Variants in BICD1 observed in about 807,000 individuals in gnomAD.
The protein encoded by BICD1 is protein bicaudal D homolog 1.
Under a neutral mutation model 92.5 loss-of-function variants are expected in BICD1, and 35 were observed. The ratio of observed to expected loss-of-function variants is 0.38; its 90% CI spans 0.29 to 0.50. The LOEUF (loss-of-function observed/expected upper bound fraction) is 0.50. BICD1 is among the 20% of genes least tolerant of loss of function. The pLI, the probability that BICD1 is intolerant of heterozygous loss-of-function variation, is 0.93. For missense variants in BICD1, 950 were observed against 1,189.8 expected (o/e 0.80, Z 2.97); for synonymous variants, 429 against 465.1 (o/e 0.92, Z 1.00).
chr12:32,162,064 G>A (rs1289225602), intron 1 of BICD1, among the ~76,000 whole-genome samples: 1 of 152,172 alleles, frequency 6.6e-6, no homozygotes, highest in East Asian at 1.9e-4. Flanking sequence ...GCAACTTCTG[G>A]TAGCACCATC....
At chr12:32,297,640 C>T (rs749010535) in intron 3 of BICD1, among the ~76,000 whole-genome samples, 85 of 152,236 alleles carry the variant, frequency 5.6e-4, no homozygotes, top group Admixed American at 2.8e-3. Flanking sequence ...AGTCCTTCAG[C>T]CTGGTTTGAT....
intron 4 of BICD1, among the ~76,000 whole-genome samples, chr12:32,311,406 G>A (rs566386342): frequency 6.6e-6 from 1 of 152,274 alleles, no homozygotes; most frequent in African/African-American, 2.4e-5. Context: ...GGCTGAGGCA[G>A]GAGAATCACT....
rs139140671 is a variant in BICD1 at position 32,272,655 on chromosome 12, C to T, written c.427-21339C>T. On this transcript the variant is annotated intron_variant, in intron 2 of 9. Transcript: ENST00000652176. ...TCTGGCCAACATGGTGAAACCCTGTCTCTACTAAAAATACCAAAAAGTTAG... is the reference window on the plus strand; with the variant it reads ...TCTGGCCAACATGGTGAAACCCTGTTTCTACTAAAAATACCAAAAAGTTAG... 7.7e-3 allele frequency among the ~76,000 whole-genome samples: 1,168 copies of T among 152,288 alleles called. 14 individuals are homozygous for T. Among genetic ancestry groups the T allele is most frequent in the African/African-American group, 0.027 (1,118 of 41,544 alleles).
At position 32,323,796 on chromosome 12, in the gene BICD1, C is replaced by A. The variant is rs554259155; in HGVS notation, c.1006-3665C>A. On this transcript the variant is annotated intron_variant, in intron 4 of 9. Coordinates refer to ENST00000652176, the MANE Select transcript of BICD1 (RefSeq NM_001714.4). ...TCTGGGACAGTAAAAAATGGTCATG[C>A]AAACTGAAACCATGCAAAACAAACT... Among the ~76,000 whole-genome samples the A allele has an allele frequency of 2.0e-5, 3 of 152,232 alleles. No individual in the cohort carries two copies. The South Asian group carries it at 6.2e-4, about 32-fold the overall frequency.
intron 9 of BICD1, among the ~76,000 whole-genome samples, chr12:32,371,159 G>A (rs895169083): frequency 1.3e-5 from 2 of 152,098 alleles, no homozygotes; most frequent in Non-Finnish European, 2.9e-5. Context: ...TTAAAGAAAA[G>A]CAATTTAATG....
At chr12:32,250,889 G>A (rs972915768) in intron 2 of BICD1, among the ~76,000 whole-genome samples, 1 of 152,114 alleles carries the variant, frequency 6.6e-6, no homozygotes, top group African/African-American at 2.4e-5. Flanking sequence ...AGGCTAAGGT[G>A]GGAGGATTGC....
chr12:32,327,566 C>A lies in BICD1; in HGVS notation c.1111C>A (p.Leu371Ile). Reference sequence around the variant, plus strand: ...GGAGCAGCATGAGCGGGTGCACCGGCTCACAGAGCACGTCAATGCCATGAG... The same window carrying A: ...GGAGCAGCATGAGCGGGTGCACCGGATCACAGAGCACGTCAATGCCATGAG... ...LTEQHERVHR[L>I]TEHVNAMRGL... Residue 371 changes from leucine (L) to isoleucine (I), a missense_variant, in exon 5 of 10, where the codon CTC (leucine) becomes ATC (isoleucine). Transcript: ENST00000652176. The A allele has an allele frequency of 6.2e-7, 1 of 1,614,180 alleles. No homozygotes were observed. Among genetic ancestry groups the A allele is most frequent in the Non-Finnish European group, 8.5e-7 (1 of 1,180,044 alleles).
chr12:32,123,195 C>A (rs1362276316), intron 1 of BICD1, among the ~76,000 whole-genome samples: 1 of 152,102 alleles, frequency 6.6e-6, no homozygotes, highest in African/African-American at 2.4e-5. Context: ...TCAGAGAAAG[C>A]CTCATTGAGA....
At chr12:32,126,681 C>T (rs1327103043) in intron 1 of BICD1, among the ~76,000 whole-genome samples, 1 of 151,696 alleles carries the variant, frequency 6.6e-6, no homozygotes, top group Non-Finnish European at 1.5e-5. Flanking sequence ...TGCTTGAACC[C>T]GGGAGGTGAA....
At chr12:32,207,020 A>C (rs1271888743) in intron 1 of BICD1, among the ~76,000 whole-genome samples, 1 of 152,236 alleles carries the variant, frequency 6.6e-6, no homozygotes, top group Admixed American at 6.5e-5. Context: ...ATGGTAAACT[A>C]TAAAGAAAAT....
At chr12:32,150,440 G>T (rs892409364) in intron 1 of BICD1, among the ~76,000 whole-genome samples, 5 of 151,824 alleles carry the variant, frequency 3.3e-5, no homozygotes, top group African/African-American at 1.2e-4. Flanking sequence ...CAAACATGAA[G>T]ATCCTAGGAG....
At position 32,107,400 on chromosome 12, in the gene BICD1, G is replaced by A. The variant is rs1319031024; in HGVS notation, c.69G>A (p.Glu23=). 6.2e-7 allele frequency: 1 copy of A among 1,611,986 alleles called. No homozygotes were observed. Among genetic ancestry groups the A allele is most frequent in the African/African-American group, 1.3e-5 (1 of 75,002 alleles). ...YKTEIERLTK[E]LTETTHEKIQ... ...CTGAGATAGAGAGGCTAACCAAGGA[G>A]CTCACGGAGACCACCCACGAGAAGA... The change falls in exon 1 of 10, where the codon GAG becomes GAA. Residue 23 remains glutamate (E), a synonymous_variant. Coordinates refer to ENST00000652176, the MANE Select transcript of BICD1 (RefSeq NM_001714.4).
intron 1 of BICD1, among the ~76,000 whole-genome samples, chr12:32,135,072 C>G (rs1259410336): frequency 2.0e-5 from 2 of 101,682 alleles, no homozygotes; most frequent in Non-Finnish European, 3.9e-5. Flanking sequence ...CTCCCCTCCC[C>G]TTCCCCGCTC....
At chr12:32,162,631 A>G (rs1166763676) in intron 1 of BICD1, among the ~76,000 whole-genome samples, 1 of 152,158 alleles carries the variant, frequency 6.6e-6, no homozygotes, top group Admixed American at 6.5e-5. Context: ...TATACTTCCA[A>G]TCCTTATTCT....
chr12:32,345,970 G>A (rs552100348), intron 8 of BICD1, among the ~76,000 whole-genome samples: 39 of 152,092 alleles, frequency 2.6e-4, no homozygotes, highest in African/African-American at 8.4e-4. Flanking sequence ...GCAACATGGC[G>A]AAACCATGTC....
At chr12:32,341,177 C>G (rs1427798935) in intron 8 of BICD1, among the ~76,000 whole-genome samples, 2 of 152,012 alleles carry the variant, frequency 1.3e-5, no homozygotes, top group Admixed American at 1.3e-4. Flanking sequence ...GAAATGATTA[C>G]TATTTATGAG....
chr12:32,214,052 AT>A (rs1299451537), intron 1 of BICD1, among the ~76,000 whole-genome samples: 7 of 152,198 alleles, frequency 4.6e-5, no homozygotes, highest in Admixed American at 4.6e-4. Flanking sequence ...TTGATTTATT[AT>A]GTTAATGTGG....
chr12:32,252,917 G>T (rs989928492), intron 2 of BICD1, among the ~76,000 whole-genome samples: 4 of 152,150 alleles, frequency 2.6e-5, no homozygotes, highest in African/African-American at 9.7e-5. Flanking sequence ...TGTCATCCCG[G>T]CTGGAGTGCA....
intron 1 of BICD1, among the ~76,000 whole-genome samples, chr12:32,191,665 T>C (rs987239149): frequency 1.4e-5 from 2 of 147,826 alleles, no homozygotes; most frequent in African/African-American, 4.9e-5. Context: ...CAATATATGT[T>C]ATATATAATA....
Sources: gnomAD v4.1 joint callset for allele counts (sites outside exome capture counted in the v4.1 genomes callset) on GRCh38, gnomAD v4.1.1 for gene constraint, MANE v1.5 for transcripts, NCBI Gene and HGNC (gene_info 2026-07-23, HGNC 2026-07-21) for gene names.